SGCZ: variants seen among roughly 807,000 people sequenced by gnomAD.
The protein encoded by SGCZ is zeta-sarcoglycan.
Under a neutral mutation model 41.3 loss-of-function variants are expected in SGCZ, and 40 were observed. The observed-to-expected ratio is 0.97, with a 90% confidence interval of 0.75 to 1.26. SGCZ has a LOEUF of 1.26. Among genes scored for constraint, SGCZ ranks in the 50% most tolerant of loss-of-function variants. The pLI is 0.00. For synonymous variants in SGCZ, 206 were observed against 137.5 expected (o/e 1.50, Z -3.49); for missense variants, 552 against 369.8 (o/e 1.49, Z -4.04).
intron 2 of SGCZ, among the ~76,000 whole-genome samples, chr8:14,390,724 CTT>C (rs1804740494): frequency 6.6e-6 from 1 of 151,818 alleles, no homozygotes; most frequent in African/African-American, 2.4e-5. Context: ...TAGATGCTGA[CTT>C]AATAATATTC....
Position 14,859,022 on chromosome 8 carries a change from T to A in SGCZ, c.40-304096A>T, listed in dbSNP as rs532773268. ...ACCTAATATTCATATCTGAATAACT[T>A]TTCTGTCAGTTATTATTTTAGGTCA... On this transcript the variant is annotated intron_variant, in intron 1 of 7. Coordinates refer to ENST00000382080, the MANE Select transcript of SGCZ (RefSeq NM_139167.4). Among the ~76,000 whole-genome samples, 6 of 152,276 alleles carry A rather than the reference T, an allele frequency of 3.9e-5. No individual in the cohort carries two copies. In the East Asian group the frequency reaches 1.2e-3, roughly 29 times the overall value.
rs139432257 is a variant in SGCZ at position 14,686,322 on chromosome 8, G to C, written c.40-131396C>G. ...TGAGTAATTTGAAATATACAATATA[G>C]TAACAAATAAAAGAAAAAAATCTGG... On this transcript the variant is annotated intron_variant, in intron 1 of 7. Coordinates refer to ENST00000382080, the MANE Select transcript of SGCZ (RefSeq NM_139167.4). 4.6e-3 allele frequency among the ~76,000 whole-genome samples: 706 copies of C among 152,094 alleles called. 5 individuals are homozygous for C. The highest frequency in any genetic ancestry group is 0.016 in the African/African-American group (654 of 41,514).
At chr8:14,401,386 A>G (rs1045433886) in intron 2 of SGCZ, among the ~76,000 whole-genome samples, 5 of 150,188 alleles carry the variant, frequency 3.3e-5, no homozygotes, top group African/African-American at 1.2e-4. Context: ...TGCTACACCC[A>G]ATAACTCGTC....
chr8:14,800,289 T>A (rs1211281611), intron 1 of SGCZ, among the ~76,000 whole-genome samples: 1 of 152,174 alleles, frequency 6.6e-6, no homozygotes, highest in Admixed American at 6.5e-5. Context: ...ATCACTCTAG[T>A]GGGTGTGTCT....
In SGCZ at chr8:14,686,282, T is replaced by C. The variant is rs144646524; in HGVS notation, c.40-131356A>G. ...CAAATGAATAATTGCTGTAATATGT[T>C]GTAAGCACTAAATTTGAGTAATTTG... On this transcript the variant is annotated intron_variant, in intron 1 of 7. Coordinates refer to ENST00000382080, the MANE Select transcript of SGCZ (RefSeq NM_139167.4). 3.7e-3 allele frequency among the ~76,000 whole-genome samples: 565 copies of C among 152,214 alleles called. 2 individuals are homozygous for C. The highest frequency in any genetic ancestry group is 0.013 in the African/African-American group (538 of 41,554).
At chr8:14,266,261 G>T (rs1284040237) in intron 3 of SGCZ, among the ~76,000 whole-genome samples, 1 of 152,068 alleles carries the variant, frequency 6.6e-6, no homozygotes, top group Non-Finnish European at 1.5e-5. Flanking sequence ...GGGCAGGGAT[G>T]AAGCAATACA....
rs1183972002 is a variant in SGCZ at position 15,094,138 on chromosome 8, TA to T, written c.39+143446del. Among the ~76,000 whole-genome samples the T allele has an allele frequency of 3.9e-5, 6 of 151,994 alleles. 1 individual carries two copies. The highest frequency in any genetic ancestry group is 4.1e-4 in the South Asian group (2 of 4,820). On this transcript the variant is annotated intron_variant, in intron 1 of 7. Transcript: ENST00000382080. The stretch of plus-strand genomic sequence containing the variant: ...TGTTTTATTTATTTATGGTTTTTTT[TA>T]AATTTTTTTTTTTGAGACACGGTCT...
intron 3 of SGCZ, among the ~76,000 whole-genome samples, chr8:14,256,859 A>G: frequency 6.6e-6 from 1 of 152,324 alleles, no homozygotes; most frequent in East Asian, 1.9e-4. Context: ...CAGCTAAATT[A>G]ATTATTTATA....
At chr8:14,518,249 A>G (rs1354389980) in intron 2 of SGCZ, among the ~76,000 whole-genome samples, 3 of 152,046 alleles carry the variant, frequency 2.0e-5, no homozygotes, top group Non-Finnish European at 4.4e-5. Flanking sequence ...TTGGATTTCA[A>G]AAGCTAACAC....
chr8:14,578,166 G>C (rs1412068637), intron 1 of SGCZ, among the ~76,000 whole-genome samples: 2 of 152,158 alleles, frequency 1.3e-5, no homozygotes, highest in African/African-American at 4.8e-5. Context: ...GAAGATTTTG[G>C]TGATAAAAAG....
chr8:15,158,846 T>C (rs945144742), intron 1 of SGCZ, among the ~76,000 whole-genome samples: 2 of 152,204 alleles, frequency 1.3e-5, no homozygotes, highest in Non-Finnish European at 2.9e-5. Flanking sequence ...AGAAATATTA[T>C]GTGAAGTCTA....
chr8:14,826,124 C>A (rs1802301908), intron 1 of SGCZ, among the ~76,000 whole-genome samples: 1 of 147,404 alleles, frequency 6.8e-6, no homozygotes, highest in Non-Finnish European at 1.5e-5. Flanking sequence ...TGATGCTCCC[C>A]TTCCTGTGTC....
intron 1 of SGCZ, among the ~76,000 whole-genome samples, chr8:14,901,461 T>G (rs1428005906): frequency 6.6e-6 from 1 of 152,200 alleles, no homozygotes; most frequent in Non-Finnish European, 1.5e-5. Context: ...ACGTTTTTCC[T>G]TTCACAGTAC....
At chr8:14,528,333 C>T (rs1451667388) in intron 2 of SGCZ, among the ~76,000 whole-genome samples, 1 of 152,068 alleles carries the variant, frequency 6.6e-6, no homozygotes, top group Non-Finnish European at 1.5e-5. Context: ...ATTAAAAAGA[C>T]AGGACAGGAC....
intron 1 of SGCZ, among the ~76,000 whole-genome samples, chr8:14,709,576 TG>T (rs1809447661): frequency 6.6e-6 from 1 of 152,098 alleles, no homozygotes. Flanking sequence ...TAAGCAGGAA[TG>T]CAAAGTTAAA....
intron 1 of SGCZ, among the ~76,000 whole-genome samples, chr8:15,112,204 A>G (rs1807095461): frequency 6.6e-6 from 1 of 152,242 alleles, no homozygotes. Context: ...CCTAACATAA[A>G]TGAGCAAATT....
rs376995883 is a variant in SGCZ, at chr8:14,206,888, G to T, written c.424+30704C>A. On this transcript the variant is annotated intron_variant, in intron 4 of 7. Transcript: ENST00000382080. ...GTGTCTCAGATTCTTATACACATGA[G>T]AACACCTGGGAATAGACCTGGTGGC... Among the ~76,000 whole-genome samples, 200 of 152,204 alleles carry T rather than the reference G, an allele frequency of 1.3e-3. 2 individuals carry two copies. Among genetic ancestry groups the T allele is most frequent in the Middle Eastern group, 3.4e-3 (1 of 294 alleles).
chr8:14,473,704 G>A (rs760063496), intron 2 of SGCZ, among the ~76,000 whole-genome samples: 2 of 152,078 alleles, frequency 1.3e-5, no homozygotes, highest in South Asian at 2.1e-4. Context: ...TTGGGAGGTC[G>A]AGGTGGGTGG....
At chr8:14,470,396 A>C (rs1326682710) in intron 2 of SGCZ, among the ~76,000 whole-genome samples, 2 of 152,146 alleles carry the variant, frequency 1.3e-5, no homozygotes, top group Non-Finnish European at 2.9e-5. Flanking sequence ...TAATTTATTC[A>C]TCTCTATGAG....
Sources: allele counts gnomAD v4.1 joint callset (sites outside exome capture counted in the v4.1 genomes callset), GRCh38; gene constraint gnomAD v4.1.1; transcripts MANE v1.5; gene names NCBI Gene and HGNC (gene_info 2026-07-23, HGNC 2026-07-21).